Variants in ADAM22 observed in about 807,000 individuals in gnomAD.
ADAM22 encodes the protein disintegrin and metalloproteinase domain-containing protein 22.
In ADAM22, 65 loss-of-function variants were observed where a neutral mutation model predicts 144.6. That is an observed-to-expected ratio of 0.45 (90% CI 0.37 to 0.55). The LOEUF (loss-of-function observed/expected upper bound fraction) is 0.55, where lower values mean the gene tolerates loss of function less well. Among genes scored for constraint, ADAM22 ranks in the 20% least tolerant of loss-of-function variants. The pLI is 0.00. For synonymous variants in ADAM22, 391 were observed against 412.6 expected, an observed-to-expected ratio of 0.95 and a Z score of 0.63; for missense variants, 974 against 1,184.9, an observed-to-expected ratio of 0.82 and a Z score of 2.61.
At chr7:88,096,792 C>T (rs1274082944) in intron 4 of ADAM22, among the ~76,000 whole-genome samples, 1 of 152,006 alleles carries the variant, frequency 6.6e-6, no homozygotes, top group African/African-American at 2.4e-5. Context: ...GGTTCAACTC[C>T]CTTCTTGATT....
At position 88,155,967 on chromosome 7, in the gene ADAM22, C is replaced by A; in HGVS notation, c.1868C>A (p.Ser623Tyr). 1 of 1,613,368 alleles carries A rather than the reference C, an allele frequency of 6.2e-7. No individual in the cohort carries two copies. The highest frequency in any genetic ancestry group is 8.5e-7 in the Non-Finnish European group (1 of 1,179,558). ...GGAGAACTCGATGGTGAAATCACATCTACTTTAGTTGTGCAGCAAGGAAGA... is the reference window on the plus strand; with the variant it reads ...GGAGAACTCGATGGTGAAATCACATATACTTTAGTTGTGCAGCAAGGAAGA... ...RLGELDGEIT[S>Y]TLVVQQGRTL... is the part of the protein sequence containing the mutation. Residue 623 changes from serine to tyrosine, a missense_variant, in exon 22 of 32, where the codon TCT (serine) becomes TAT (tyrosine). Physicochemically the swap from Ser to Tyr is moderately radical, Grantham distance 144. Coordinates refer to ENST00000413139, the MANE Select transcript of ADAM22 (RefSeq NM_001324418.2).
chr7:88,191,256 G>C (rs1264313621), intron 30 of ADAM22, among the ~76,000 whole-genome samples: 4 of 152,226 alleles, frequency 2.6e-5, no homozygotes, highest in Non-Finnish European at 5.9e-5. Context: ...CATTGGAATG[G>C]CTTTGTCCAT....
At chr7:88,079,988 C>T (rs1241358601) in intron 4 of ADAM22, among the ~76,000 whole-genome samples, 1 of 152,150 alleles carries the variant, frequency 6.6e-6, no homozygotes, top group Non-Finnish European at 1.5e-5. Context: ...AGCTCTGCAC[C>T]AAGCAGACCT....
intron 4 of ADAM22, among the ~76,000 whole-genome samples, chr7:88,079,754 T>C (rs367917648): frequency 4.6e-5 from 7 of 152,054 alleles, no homozygotes; most frequent in Non-Finnish European, 7.4e-5. Flanking sequence ...CAAAGAAGGC[T>C]ATTACATAAT....
intron 3 of ADAM22, among the ~76,000 whole-genome samples, chr7:88,050,935 A>G (rs1337516895): frequency 3.9e-5 from 6 of 152,220 alleles, no homozygotes; most frequent in Non-Finnish European, 7.3e-5. Context: ...GTCCTTGACC[A>G]TGCCTATGTC....
chr7:87,946,753 G>A (rs1843771221), intron 2 of ADAM22, among the ~76,000 whole-genome samples: 1 of 152,146 alleles, frequency 6.6e-6, no homozygotes. Flanking sequence ...AAAGACACAT[G>A]CACTCATGTT....
At position 88,193,133 on chromosome 7, in the gene ADAM22, A is replaced by G; in HGVS notation, c.2768A>G (p.Lys923Arg). ...CATCTCAGGACTTTATCTCCTGCCA[A>G]GTCTCCTTCTTCATCAACTGGGTCT... ...GPYFRTLSPA[K>R]SPSSSTGSIA... The change falls in exon 31 of 32, where the codon AAG becomes AGG. Residue 923 changes from lysine (K) to arginine (R), a missense_variant. Physicochemically the swap from Lys to Arg is conservative, Grantham distance 26. Around this residue, in one of 2 missense-constraint regions of ADAM22, gnomAD observed 734 missense variants for 950.6 expected, o/e 0.77. Coordinates refer to ENST00000413139, the MANE Select transcript of ADAM22 (RefSeq NM_001324418.2). The G allele has an allele frequency of 1.2e-6, 2 of 1,614,068 alleles. No individual in the cohort carries two copies. Among genetic ancestry groups the G allele is most frequent in the Non-Finnish European group, 1.7e-6 (2 of 1,179,950 alleles).
intron 3 of ADAM22, among the ~76,000 whole-genome samples, chr7:88,039,721 T>G (rs1802633324): frequency 6.6e-6 from 1 of 151,520 alleles, no homozygotes; most frequent in African/African-American, 2.4e-5. Context: ...TGAGCCACTT[T>G]TCTTTTTCTC....
At position 88,153,224 on chromosome 7, in the gene ADAM22, T is replaced by A; in HGVS notation, c.1685T>A (p.Val562Glu). 6.2e-7 allele frequency: 1 copy of A among 1,612,232 alleles called. No homozygotes were observed. Among genetic ancestry groups the A allele is most frequent in the Non-Finnish European group, 8.5e-7 (1 of 1,179,230 alleles). The change falls in exon 21 of 32, where the codon GTG (valine) becomes GAG (glutamate). Residue 562 changes from valine (V) to glutamate (E), a missense_variant. By Grantham distance (121) the Val-to-Glu change is moderately radical. Around this residue, in one of 2 missense-constraint regions of ADAM22, gnomAD observed 734 missense variants for 950.6 expected, o/e 0.77. Transcript: ENST00000413139. ...AGAAAATTTTTTTCTGCCTTAGAGG[T>A]GACAGCATCAGACAAATATTGCTAT... ...RQCKYIWGQKVTASDKYCYEK... is the reference protein window; with the variant it reads ...RQCKYIWGQKETASDKYCYEK...
chr7:88,021,816 T>A (rs1797880492), intron 3 of ADAM22, among the ~76,000 whole-genome samples: 1 of 152,092 alleles, frequency 6.6e-6, no homozygotes, highest in African/African-American at 2.4e-5. Flanking sequence ...CATAAAAGAC[T>A]CAGAGACAAT....
intron 4 of ADAM22, among the ~76,000 whole-genome samples, chr7:88,107,033 A>G (rs2129487510): frequency 6.6e-6 from 1 of 152,296 alleles, no homozygotes; most frequent in Non-Finnish European, 1.5e-5. Flanking sequence ...TGCTGGTTTC[A>G]GAAAAGAATA....
At chr7:87,935,749 C>T (rs1012993834) in intron 2 of ADAM22, among the ~76,000 whole-genome samples, 1 of 152,216 alleles carries the variant, frequency 6.6e-6, no homozygotes, top group Non-Finnish European at 1.5e-5. Flanking sequence ...CCTCCTCCGA[C>T]TTTCTTTATT....
intron 3 of ADAM22, among the ~76,000 whole-genome samples, chr7:88,074,914 GA>G (rs2129480124): frequency 6.6e-6 from 1 of 152,222 alleles, no homozygotes; most frequent in Non-Finnish European, 1.5e-5. Flanking sequence ...AGCAACACTA[GA>G]AATTTATAGC....
chr7:87,997,075 G>A (rs976429787), intron 3 of ADAM22, among the ~76,000 whole-genome samples: 1 of 152,166 alleles, frequency 6.6e-6, no homozygotes, highest in Non-Finnish European at 1.5e-5. Context: ...GAAAACTTTA[G>A]GACTGAAAGG....
chr7:88,029,523 T>A (rs1224797685), intron 3 of ADAM22, among the ~76,000 whole-genome samples: 3 of 152,204 alleles, frequency 2.0e-5, no homozygotes, highest in Non-Finnish European at 4.4e-5. Flanking sequence ...AAATTAGTCT[T>A]ATAATAGTCT....
intron 3 of ADAM22, among the ~76,000 whole-genome samples, chr7:87,991,511 C>T (rs1326636618): frequency 9.9e-5 from 15 of 151,986 alleles, no homozygotes; most frequent in African/African-American, 2.4e-4. Flanking sequence ...GGACTACAGG[C>T]GCCCGCCACC....
At chr7:88,018,973 A>G (rs1255389691) in intron 3 of ADAM22, among the ~76,000 whole-genome samples, 1 of 152,164 alleles carries the variant, frequency 6.6e-6, no homozygotes, top group African/African-American at 2.4e-5. Context: ...TTTTTGTATA[A>G]AAAGTTTTAG....
chr7:88,007,549 ACG>A (rs1298989478), intron 3 of ADAM22, among the ~76,000 whole-genome samples: 15 of 152,170 alleles, frequency 9.9e-5, no homozygotes, highest in Admixed American at 8.5e-4. Flanking sequence ...ACCAAAACAG[ACG>A]TATAGATCAA....
intron 19 of ADAM22, 75 bp from the exon 20 acceptor site, chr7:88,151,182 A>G (rs1838246229): frequency 5.0e-6 from 8 of 1,588,624 alleles, no homozygotes; most frequent in Middle Eastern, 1.7e-4. Flanking sequence ...ATTTTTCCCA[A>G]TCATAGTTTC....
Sources: allele counts gnomAD v4.1 joint callset (sites outside exome capture counted in the v4.1 genomes callset), GRCh38; gene constraint gnomAD v4.1.1; regional missense constraint gnomAD v4.1.1; transcripts MANE v1.5; gene names NCBI Gene and HGNC (gene_info 2026-07-23, HGNC 2026-07-21).